Variants in GTF3C1 observed in about 807,000 individuals in gnomAD.
The protein encoded by GTF3C1 is general transcription factor 3C polypeptide 1.
In GTF3C1, 57 loss-of-function variants were observed where a neutral mutation model predicts 226.7. That is an observed-to-expected ratio of 0.25 (90% CI 0.20 to 0.31). GTF3C1 has a LOEUF of 0.31. Ranked by LOEUF, GTF3C1 falls within the 10% of genes least tolerant of loss-of-function variation. GTF3C1 has a pLI of 1.00. For synonymous variants in GTF3C1, 1,090 were observed against 1,084.8 expected, an observed-to-expected ratio of 1.00 and a Z score of -0.09; for missense variants, 2,217 against 2,776.1, an observed-to-expected ratio of 0.80 and a Z score of 4.53.
chr16:27,516,316 T>A (rs797017182), intron 6 of GTF3C1, among the ~76,000 whole-genome samples: 15 of 152,274 alleles, frequency 9.9e-5, no homozygotes, highest in African/African-American at 3.6e-4. Flanking sequence ...ACAATAGGCA[T>A]CATCAGCCCC....
intron 25 of GTF3C1, 109 bp from the exon 26 acceptor site, chr16:27,483,234 C>A: frequency 9.7e-7 from 1 of 1,032,444 alleles, no homozygotes; most frequent in Non-Finnish European, 1.5e-6. Context: ...GACCTTGAAG[C>A]ATGAGTTACT....
chr16:27,488,778 G>A (rs571413196), intron 21 of GTF3C1, 143 bp from the exon 22 acceptor site: 14 of 715,816 alleles, frequency 2.0e-5, no homozygotes, highest in African/African-American at 8.8e-5. Context: ...CCTGCCACCC[G>A]CTTTACCATT....
chr16:27,498,562 G>A, intron 13 of GTF3C1, 68 bp downstream of exon 13: 1 of 819,632 alleles, frequency 1.2e-6, no homozygotes, highest in Admixed American at 1.7e-5. Context: ...GGCTCTTCTG[G>A]ATTGCTGTAG....
chr16:27,463,889 G>A lies in GTF3C1; in HGVS notation c.5873-297C>T. 2.4e-5 allele frequency: 11 copies of A among 461,250 alleles called. No homozygotes were observed. The highest frequency in any genetic ancestry group is 3.4e-5 in the Non-Finnish European group (9 of 263,758). 28.6% of individuals were successfully genotyped at this position (461,250 alleles called of 1,614,324 possible). On this transcript the variant is annotated intron_variant, in intron 34 of 36. Transcript: ENST00000356183. The surrounding 1 kb of genome is among the most constrained non-coding windows in gnomAD (Gnocchi z 4.9). Reference sequence around the variant, plus strand: ...ACCCAGAAGCCCCGACCACAAGGGTGGTATAAAACCCGAGGCAAAAACACC... The same window carrying A: ...ACCCAGAAGCCCCGACCACAAGGGTAGTATAAAACCCGAGGCAAAAACACC...
At chr16:27,541,907 A>G (rs887583765) in intron 2 of GTF3C1, among the ~76,000 whole-genome samples, 1 of 152,184 alleles carries the variant, frequency 6.6e-6, no homozygotes, top group Non-Finnish European at 1.5e-5. Context: ...TGGCCAGCTG[A>G]GGGTAACTCT....
chr16:27,537,546 A>G (rs1448519040), intron 4 of GTF3C1, among the ~76,000 whole-genome samples: 1 of 152,064 alleles, frequency 6.6e-6, no homozygotes, highest in African/African-American at 2.4e-5. Context: ...AGTAGTTGGG[A>G]CTACAGGTGT....
chr16:27,536,094 T>C (rs2088997314), intron 4 of GTF3C1, among the ~76,000 whole-genome samples: 1 of 152,250 alleles, frequency 6.6e-6, no homozygotes, highest in African/African-American at 2.4e-5. Context: ...TAACAGACAA[T>C]GTAAACTTAT....
chr16:27,465,294 C>T lies in GTF3C1; in HGVS notation c.5321G>A (p.Gly1774Asp). 5.6e-6 allele frequency: 9 copies of T among 1,614,192 alleles called. No individual in the cohort carries two copies. The highest frequency in any genetic ancestry group is 7.6e-6 in the Non-Finnish European group (9 of 1,180,030). The part of the protein sequence containing the change: ...RRFSALEKAG[G>D]GRTRTFADCI... ...ATCTGCGAATGTCCTGGTGCGCCCA[C>T]CACCTGCCTTCTCCAAGGCCGAGAA... The change falls in exon 33 of 37, where the codon GGT becomes GAT. Residue 1774 changes from glycine (G) to aspartate (D), a missense_variant. Around this residue, in one of 12 missense-constraint regions of GTF3C1, gnomAD observed 455 missense variants for 441.9 expected, o/e 1.03. Transcript: ENST00000356183.
In GTF3C1 at chr16:27,489,023, C is replaced by G. The variant is rs1190631081; in HGVS notation, c.3429+20G>C. The G allele has an allele frequency of 6.2e-7, 1 of 1,608,472 alleles. No homozygotes were observed. Among genetic ancestry groups the G allele is most frequent in the African/African-American group, 1.3e-5 (1 of 74,812 alleles). ...TAGCGAGGACCCCTGAGATTGTAGTCCGGTGTGACGCACACCCACCTTTTT... is the reference window on the plus strand; with the variant it reads ...TAGCGAGGACCCCTGAGATTGTAGTGCGGTGTGACGCACACCCACCTTTTT... On this transcript the variant is annotated intron_variant, in intron 21 of 36. Coordinates refer to ENST00000356183, the MANE Select transcript of GTF3C1 (RefSeq NM_001520.4).
Position 27,494,799 on chromosome 16 carries a change from G to A in GTF3C1, c.2742C>T (p.Leu914=). ...CTTGCACAATCTGGATGAAGATGGA[G>A]AGGGGAAGGCAGAGGAGGATGTCGC... ...LVSDILLCLP[L]SIFIQIVQVS... The change falls in exon 16 of 37, where the codon CTC becomes CTT. Residue 914 remains leucine, a synonymous_variant. Transcript: ENST00000356183. The A allele has an allele frequency of 6.2e-7, 1 of 1,612,814 alleles. No homozygotes were observed. The highest frequency in any genetic ancestry group is 8.5e-7 in the Non-Finnish European group (1 of 1,178,774).
At chr16:27,532,546 T>C (rs1185146392) in intron 5 of GTF3C1, among the ~76,000 whole-genome samples, 1 of 152,134 alleles carries the variant, frequency 6.6e-6, no homozygotes, top group Non-Finnish European at 1.5e-5. Flanking sequence ...CCCCTCCGCC[T>C]TTCTCCCTCT....
chr16:27,527,862 G>C (rs1014154189), intron 6 of GTF3C1, among the ~76,000 whole-genome samples: 3 of 151,954 alleles, frequency 2.0e-5, no homozygotes, highest in African/African-American at 7.2e-5. Flanking sequence ...AATTAGTCGG[G>C]TGTGGTGAGG....
At position 27,537,986 on chromosome 16, in the gene GTF3C1, G is replaced by C. The variant is rs2089026054; in HGVS notation, c.609-59C>G. 45 of 1,560,508 alleles carry C rather than the reference G, an allele frequency of 2.9e-5. No individual in the cohort carries two copies. In the South Asian group the frequency reaches 5.1e-4, roughly 18 times the overall value. On this transcript the variant is annotated intron_variant, in intron 3 of 36. Coordinates refer to ENST00000356183, the MANE Select transcript of GTF3C1 (RefSeq NM_001520.4). ...GCTGGTAGTTTTATCAATGTATAGA[G>C]TCTCTCACTTGGACATAAACACCAG...
At position 27,462,209 on chromosome 16, in the gene GTF3C1, T is replaced by C; in HGVS notation, c.6117+85A>G. 2.1e-6 allele frequency: 2 copies of C among 935,518 alleles called. No individual in the cohort carries two copies. The highest frequency in any genetic ancestry group is 3.2e-6 in the Non-Finnish European group (2 of 617,840). The allele number at this position is 935,518 out of a possible 1,614,324, so 58.0% of individuals were successfully genotyped here. ...GCAAGCAGTATGGTGGTACTGCATG[T>C]TGCCTGGGGCCTGAACATCACAGCC... On this transcript the variant is annotated intron_variant, in intron 36 of 36. Transcript: ENST00000356183. This position sits in a 1 kb window ranked among gnomAD's most constrained non-coding sequence, Gnocchi z 4.5.
Position 27,465,459 on chromosome 16 carries a change from G to C in GTF3C1, c.5156C>G (p.Thr1719Ser), listed in dbSNP as rs773239212. The change falls in exon 33 of 37, where the codon ACC (threonine) becomes AGC (serine). Residue 1719 changes from threonine (T) to serine (S), a missense_variant. Coordinates refer to ENST00000356183, the MANE Select transcript of GTF3C1 (RefSeq NM_001520.4). ...GAGGACAAACTCCTCCAAGCTGCAG[G>C]TGTTTTCCTGGGGGTTTATCAGCTT... ...FTKLINPQEN[T>S]CSLEEFVLQL... 2.2e-5 allele frequency: 35 copies of C among 1,611,588 alleles called. No homozygotes were observed. In the Admixed American group the frequency reaches 3.0e-4, roughly 14 times the overall value.
At chr16:27,491,963 G>A (rs1295286550) in intron 19 of GTF3C1, among the ~76,000 whole-genome samples, 7 of 152,116 alleles carry the variant, frequency 4.6e-5, no homozygotes, top group Admixed American at 4.6e-4. Context: ...CTGCACTCCT[G>A]TGAGCTGTGT....
Position 27,545,448 on chromosome 16 carries a change from G to C in GTF3C1, c.297C>G (p.Pro99=). Residue 99 remains proline, a synonymous_variant, in exon 2 of 37, where the codon CCC becomes CCG. Transcript: ENST00000356183. ...RDPVALEDVY[P]IHMILENKDG... ...CCTTATTCTCTAAGATCATATGAATGGGGTAGACATCCTCCAAAGCCACCG... is the reference window on the plus strand; with the variant it reads ...CCTTATTCTCTAAGATCATATGAATCGGGTAGACATCCTCCAAAGCCACCG... The C allele has an allele frequency of 6.2e-7, 1 of 1,611,352 alleles. No homozygotes were observed.
Position 27,461,559 on chromosome 16 carries a change from G to A in GTF3C1, c.6121C>T (p.Leu2041=), listed in dbSNP as rs577014929. ...PVAVLELLQG[L]ESLGCIRKRW... Reference sequence around the variant, plus strand: ...TTCCGGATGCAGCCGAGGGACTCCAGGCCCTGGAGACACCAGACACACAGG... The same window carrying A: ...TTCCGGATGCAGCCGAGGGACTCCAAGCCCTGGAGACACCAGACACACAGG... The change falls in exon 37 of 37, where the codon CTG becomes TTG. Residue 2041 remains leucine (L), a synonymous_variant. Coordinates refer to ENST00000356183, the MANE Select transcript of GTF3C1 (RefSeq NM_001520.4). This position sits in a 1 kb window ranked among gnomAD's most constrained non-coding sequence, Gnocchi z 5.3. The A allele has an allele frequency of 2.0e-5, 33 of 1,611,414 alleles. 1 individual carries two copies. In the East Asian group the frequency reaches 6.7e-4, roughly 33 times the overall value.
chr16:27,528,791 A>C, intron 5 of GTF3C1, 70 bp from the exon 6 acceptor site: 1 of 1,393,522 alleles, frequency 7.2e-7, no homozygotes, highest in Non-Finnish European at 1.0e-6. Flanking sequence ...AAAGTCATAT[A>C]AATGAACACA....
Sources: gnomAD v4.1 joint callset for allele counts (sites outside exome capture counted in the v4.1 genomes callset) on GRCh38, gnomAD v4.1.1 for gene constraint, gnomAD v4.1.1 regional missense constraint, Gnocchi (gnomAD v3.1) non-coding constraint, MANE v1.5 for transcripts, NCBI Gene and HGNC (gene_info 2026-07-23, HGNC 2026-07-21) for gene names.